ZNF33A: variants seen among roughly 807,000 people sequenced by gnomAD.
ZNF33A encodes the protein brain my041 protein.
ZNF33A carries 9 observed loss-of-function variants against 15.9 expected under a neutral mutation model. The observed-to-expected ratio is 0.57, with a 90% CI of 0.34 to 0.99. The LOEUF is 0.99. Among genes scored for constraint, ZNF33A ranks in the 50% least tolerant of loss-of-function variants. The pLI is 0.02. For synonymous variants in ZNF33A, 294 were observed against 324.2 expected, an observed-to-expected ratio of 0.91 and a Z score of 1.00; for missense variants, 843 against 941.6, an observed-to-expected ratio of 0.90 and a Z score of 1.37.
intron 2 of ZNF33A, among the ~76,000 whole-genome samples, chr10:38,012,828 G>C (rs1382611245): frequency 1.3e-5 from 2 of 152,188 alleles, no homozygotes; most frequent in African/African-American, 4.8e-5. Flanking sequence ...CCAAGTTAGA[G>C]TCAATAAGTT....
At chr10:38,048,342 CAT>C (rs1204815824) in intron 4 of ZNF33A, among the ~76,000 whole-genome samples, 2 of 152,018 alleles carry the variant, frequency 1.3e-5, no homozygotes, top group Non-Finnish European at 2.9e-5. Context: ...ATATGACAAA[CAT>C]AGCCTAAAAA....
chr10:38,021,429 T>TACAGAAGAA (rs1182345347), intron 4 of ZNF33A, among the ~76,000 whole-genome samples: 90 of 7,426 alleles, frequency 0.012, no homozygotes, highest in East Asian at 0.03. Context: ...AGCCATGAGG[T>TACAGAAGAA]CAGGAATTCA....
At chr10:38,065,458 C>T (rs1178175248), downstream of ZNF33A, among the ~76,000 whole-genome samples, 1 of 152,240 alleles carries the variant, frequency 6.6e-6, no homozygotes, top group African/African-American at 2.4e-5. Flanking sequence ...CAAGCGATAC[C>T]TGTTGACCTG....
chr10:38,057,161 T>G lies in ZNF33A; in HGVS notation c.*601T>G, dbSNP rs573069918. 4.2e-6 allele frequency: 4 copies of G among 957,518 alleles called. No homozygotes were observed. Among genetic ancestry groups the G allele is most frequent in the African/African-American group, 1.8e-5 (1 of 56,762 alleles). The allele number at this position is 957,518 out of a possible 1,614,324, so 59.3% of individuals were successfully genotyped here. A position where few individuals can be genotyped will look rare whatever the true frequency, so the allele number is the denominator to read the frequency against. ...GTGTGTGTGTGGTTATATCAAACTTTTACGACTTTTACATTTGAGTAACCA... is the reference window on the plus strand; with the variant it reads ...GTGTGTGTGTGGTTATATCAAACTTGTACGACTTTTACATTTGAGTAACCA... On this transcript the variant is annotated 3_prime_UTR_variant, in exon 5 of 5. Transcript: ENST00000432900.
intron 4 of ZNF33A, among the ~76,000 whole-genome samples, chr10:38,040,979 CTA>C (rs1296191688): frequency 6.6e-6 from 1 of 152,230 alleles, no homozygotes; most frequent in East Asian, 1.9e-4. Context: ...ACTAATTTGA[CTA>C]TTATCAGGAT....
downstream of ZNF33A, among the ~76,000 whole-genome samples, chr10:38,062,472 T>C (rs897772801): frequency 6.6e-6 from 1 of 152,214 alleles, no homozygotes; most frequent in African/African-American, 2.4e-5. Context: ...ATGGTCCCAA[T>C]GCTGCGTAAG....
chr10:38,045,773 AT>A (rs1025320660), intron 4 of ZNF33A, among the ~76,000 whole-genome samples: 26 of 152,070 alleles, frequency 1.7e-4, no homozygotes, highest in African/African-American at 6.3e-4. Flanking sequence ...TTGAATTTCC[AT>A]TCTTTTTGAG....
intron 1 of ZNF33A, among the ~76,000 whole-genome samples, chr10:38,011,060 C>T (rs920481810): frequency 1.6e-4 from 25 of 152,192 alleles, no homozygotes; most frequent in African/African-American, 5.3e-4. Flanking sequence ...CTGAGCCTTG[C>T]GGGAGGGGCA....
rs1351119046 is a variant in ZNF33A, at chr10:38,016,895, G to T, written c.34G>T (p.Val12Leu). The change falls in exon 3 of 5, where the codon GTA (valine) becomes TTA (leucine). Residue 12 changes from valine (V) to leucine (L), a missense_variant. Val to Leu is a conservative substitution (Grantham distance 32). Transcript: ENST00000432900. ...NKVEQKSQES[V>L]SFKDVTVGFT... is the part of the protein sequence containing the mutation. Reference sequence around the variant, plus strand: ...GGTAGAACAGAAGTCCCAGGAGTCAGTATCATTTAAAGATGTGACTGTGGG... The same window carrying T: ...GGTAGAACAGAAGTCCCAGGAGTCATTATCATTTAAAGATGTGACTGTGGG... 2 of 1,613,862 alleles carry T rather than the reference G, an allele frequency of 1.2e-6. No homozygotes were observed. The highest frequency in any genetic ancestry group is 1.7e-6 in the Non-Finnish European group (2 of 1,179,956).
At chr10:38,025,769 G>A (rs1013528812) in intron 4 of ZNF33A, among the ~76,000 whole-genome samples, 47 of 152,204 alleles carry the variant, frequency 3.1e-4, no homozygotes, top group African/African-American at 9.4e-4. Context: ...GCATTTTAAC[G>A]TATCTTGTTT....
intron 4 of ZNF33A, among the ~76,000 whole-genome samples, chr10:38,050,091 G>A (rs1487623330): frequency 6.6e-6 from 1 of 152,134 alleles, no homozygotes; most frequent in African/African-American, 2.4e-5. Context: ...ACAATTAATA[G>A]TACCACTTCT....
chr10:38,027,491 G>A (rs1236555657), intron 4 of ZNF33A, among the ~76,000 whole-genome samples: 2 of 151,650 alleles, frequency 1.3e-5, no homozygotes, highest in Admixed American at 1.3e-4. Context: ...GGGGACTACA[G>A]CTGTATACCA....
At chr10:38,018,739 G>A (rs1270282815) in intron 4 of ZNF33A, among the ~76,000 whole-genome samples, 2 of 151,980 alleles carry the variant, frequency 1.3e-5, no homozygotes, top group Non-Finnish European at 2.9e-5. Context: ...TGGAAAGTGG[G>A]GCAATAACAA....
intron 4 of ZNF33A, among the ~76,000 whole-genome samples, chr10:38,042,155 A>C (rs1347328414): frequency 1.3e-5 from 2 of 150,530 alleles, no homozygotes; most frequent in African/African-American, 4.9e-5. Context: ...ATCTAGTGTA[A>C]TTTCCTTACT....
intron 4 of ZNF33A, among the ~76,000 whole-genome samples, chr10:38,027,492 C>T (rs2065036437): frequency 6.6e-6 from 1 of 151,706 alleles, no homozygotes; most frequent in Admixed American, 6.6e-5. Context: ...GGGACTACAG[C>T]TGTATACCAC....
chr10:38,036,367 C>T (rs976802702), intron 4 of ZNF33A, among the ~76,000 whole-genome samples: 2 of 151,830 alleles, frequency 1.3e-5, no homozygotes, highest in African/African-American at 2.4e-5. Flanking sequence ...GAACCTGGAA[C>T]GCAGAGGTTG....
In ZNF33A at chr10:38,034,306, T is replaced by C. The variant is rs2065344592; in HGVS notation, c.250+16920T>C. 7.2e-5 allele frequency among the ~76,000 whole-genome samples: 11 copies of C among 152,294 alleles called. No individual in the cohort carries two copies. The South Asian group carries it at 2.3e-3, about 32-fold the overall frequency. On this transcript the variant is annotated intron_variant, in intron 4 of 4. Transcript: ENST00000432900. ...CCCTTCCAGGGCACCATATTACATT[T>C]AGTTGTCATGTCTCTTTAGGCTCCT... is the stretch of plus-strand genomic sequence containing the variant.
At chr10:38,023,339 CAT>C (rs1390589489) in intron 4 of ZNF33A, among the ~76,000 whole-genome samples, 2 of 152,308 alleles carry the variant, frequency 1.3e-5, no homozygotes, top group African/African-American at 4.8e-5. Context: ...ATATACCTCT[CAT>C]AAATTTAGTA....
In ZNF33A at chr10:38,055,938, G is replaced by A. The variant is rs2066457948; in HGVS notation, c.1814G>A (p.Gly605Glu). The part of the protein sequence containing the change: ...YLTKHNRTHT[G>E]EKPYECNECG... Reference sequence around the variant, plus strand: ...ACTAAACATAATAGAACACATACAGGGGAGAAACCCTATGAATGTAATGAA... The same window carrying A: ...ACTAAACATAATAGAACACATACAGAGGAGAAACCCTATGAATGTAATGAA... Residue 605 changes from glycine to glutamate, a missense_variant, in exon 5 of 5, where the codon GGG (glycine) becomes GAG (glutamate). Transcript: ENST00000432900. The A allele has an allele frequency of 6.2e-7, 1 of 1,613,702 alleles. No individual in the cohort carries two copies. Among genetic ancestry groups the A allele is most frequent in the African/African-American group, 1.3e-5 (1 of 74,820 alleles).
Sources: allele counts gnomAD v4.1 joint callset (sites outside exome capture counted in the v4.1 genomes callset), GRCh38; gene constraint gnomAD v4.1.1; transcripts MANE v1.5; gene names NCBI Gene and HGNC (gene_info 2026-07-23, HGNC 2026-07-21).